DTNA: variants seen among roughly 807,000 people sequenced by gnomAD.
DTNA encodes dystrobrevin alpha.
In DTNA, 43 loss-of-function variants were observed where a neutral mutation model predicts 100.7. The observed-to-expected ratio is 0.43, with a 90% CI of 0.33 to 0.55. The LOEUF is 0.55. Ranked by LOEUF, DTNA falls within the 20% of genes least tolerant of loss-of-function variation. The probability of loss-of-function intolerance (pLI) is 0.04; values close to 1 mark genes in which losing one functional copy is unlikely to be tolerated. For missense variants in DTNA, 798 were observed against 953.9 expected (o/e 0.84, Z 2.15); for synonymous variants, 349 against 347.9 (o/e 1.00, Z -0.04).
chr18:34,718,480 C>T (rs1471538592), intron 1 of DTNA, among the ~76,000 whole-genome samples: 1 of 152,098 alleles, frequency 6.6e-6, no homozygotes, highest in East Asian at 1.9e-4. Flanking sequence ...AGTCTTTACC[C>T]CATTTTGATG....
At chr18:34,704,168 A>C (rs1381229155) in intron 1 of DTNA, among the ~76,000 whole-genome samples, 1 of 152,142 alleles carries the variant, frequency 6.6e-6, no homozygotes, top group African/African-American at 2.4e-5. Flanking sequence ...CCATCCCATT[A>C]TCTATGATGC....
intron 1 of DTNA, among the ~76,000 whole-genome samples, chr18:34,518,738 TG>T (rs2041898951): frequency 6.9e-6 from 1 of 145,958 alleles, no homozygotes; most frequent in Non-Finnish European, 1.5e-5. Context: ...TGTGTGTGTG[TG>T]TGTGTGAAGC....
chr18:34,532,788 A>G (rs1220755025), intron 1 of DTNA, among the ~76,000 whole-genome samples: 2 of 151,202 alleles, frequency 1.3e-5, no homozygotes, highest in African/African-American at 4.9e-5. Flanking sequence ...GTGTGTATGC[A>G]TAGAACGAAT....
chr18:34,622,939 C>CAT (rs1211213197), intron 1 of DTNA, among the ~76,000 whole-genome samples: 1 of 152,194 alleles, frequency 6.6e-6, no homozygotes, highest in Non-Finnish European at 1.5e-5. Flanking sequence ...AATCCTCTCC[C>CAT]ATATATCTGT....
At chr18:34,622,816 C>A (rs1304380690) in intron 1 of DTNA, among the ~76,000 whole-genome samples, 7 of 152,318 alleles carry the variant, frequency 4.6e-5, no homozygotes, top group South Asian at 4.1e-4. Flanking sequence ...TCCCATGTTT[C>A]TGAGGCCCTC....
chr18:34,689,327 G>T (rs1401172163), intron 1 of DTNA, among the ~76,000 whole-genome samples: 1 of 149,982 alleles, frequency 6.7e-6, no homozygotes, highest in African/African-American at 2.5e-5. Context: ...TGGAGTTTTG[G>T]GTGGTCATTT....
chr18:34,695,000 C>T (rs2080309505), intron 1 of DTNA, among the ~76,000 whole-genome samples: 1 of 152,122 alleles, frequency 6.6e-6, no homozygotes, highest in Admixed American at 6.5e-5. Flanking sequence ...AGCATGCCAC[C>T]ACCTGAATCC....
At chr18:34,744,689 T>C (rs2091282204) in intron 1 of DTNA, among the ~76,000 whole-genome samples, 1 of 152,038 alleles carries the variant, frequency 6.6e-6, no homozygotes, top group Admixed American at 6.6e-5. Context: ...ACAGGTCTCT[T>C]TCCTTGGCAA....
At chr18:34,509,585 G>A (rs1233593334) in intron 1 of DTNA, among the ~76,000 whole-genome samples, 2 of 152,104 alleles carry the variant, frequency 1.3e-5, no homozygotes, top group Non-Finnish European at 2.9e-5. Flanking sequence ...CCTTTAGGAA[G>A]TGATATATGA....
At chr18:34,623,876 T>C (rs973460596) in intron 1 of DTNA, among the ~76,000 whole-genome samples, 11 of 152,362 alleles carry the variant, frequency 7.2e-5, no homozygotes, top group Admixed American at 5.9e-4. Context: ...AAGATCCAAA[T>C]GTGTTGAAAA....
At chr18:34,766,312 A>T (rs1301950029) in intron 3 of DTNA, among the ~76,000 whole-genome samples, 1 of 152,136 alleles carries the variant, frequency 6.6e-6, no homozygotes, top group Non-Finnish European at 1.5e-5. Flanking sequence ...TATAATTCTG[A>T]CCTTGGAATG....
At chr18:34,601,891 G>C (rs1005771900) in intron 1 of DTNA, among the ~76,000 whole-genome samples, 1 of 152,182 alleles carries the variant, frequency 6.6e-6, no homozygotes, top group Non-Finnish European at 1.5e-5. Context: ...AATTCCTACA[G>C]AATGCAGAAA....
chr18:34,726,409 G>A (rs187442731), intron 1 of DTNA, among the ~76,000 whole-genome samples: 86 of 152,160 alleles, frequency 5.7e-4, no homozygotes, highest in African/African-American at 1.9e-3. Flanking sequence ...TCACTCAAAA[G>A]TCCAAAGTCT....
chr18:34,625,527 C>T (rs1252329658), intron 1 of DTNA, among the ~76,000 whole-genome samples: 1 of 152,150 alleles, frequency 6.6e-6, no homozygotes, highest in Middle Eastern at 3.2e-3. Flanking sequence ...CCACAAAGGA[C>T]AATAATACAA....
intron 3 of DTNA, among the ~76,000 whole-genome samples, chr18:34,792,534 T>A (rs1025276872): frequency 6.6e-6 from 1 of 152,140 alleles, no homozygotes; most frequent in Non-Finnish European, 1.5e-5. Context: ...GACAAAAAAA[T>A]AGGGAGCTGT....
At chr18:34,778,106 G>A (rs770114759) in intron 3 of DTNA, among the ~76,000 whole-genome samples, 9 of 152,150 alleles carry the variant, frequency 5.9e-5, no homozygotes, top group Admixed American at 2.6e-4. Flanking sequence ...GAAGGATCTC[G>A]CAGCAGATTG....
chr18:34,878,765 T>C (rs760347918), intron 19 of DTNA, among the ~76,000 whole-genome samples: 7 of 152,214 alleles, frequency 4.6e-5, no homozygotes, highest in Non-Finnish European at 8.8e-5. Context: ...TTTAGCAGTA[T>C]GAATATGCAA....
intron 1 of DTNA, among the ~76,000 whole-genome samples, chr18:34,745,562 G>T (rs1906947853): frequency 6.6e-6 from 1 of 152,096 alleles, no homozygotes; most frequent in African/African-American, 2.4e-5. Flanking sequence ...CATGATTATT[G>T]GGTTGTGTAT....
At position 34,666,693 on chromosome 18, in the gene DTNA, T is replaced by G. The variant is rs184852718; in HGVS notation, c.-1-89283T>G. ...TTAAATAGGGAATCCTTTCCCCATT[T>G]CTTGTTTTTGTCAGGTTTGTCAAAG... On this transcript the variant is annotated intron_variant, in intron 1 of 19. Coordinates refer to the DTNA transcript ENST00000283365. 4.6e-3 allele frequency among the ~76,000 whole-genome samples: 704 copies of G among 152,258 alleles called. 6 individuals carry two copies. The highest frequency in any genetic ancestry group is 0.016 in the African/African-American group (653 of 41,562).
Sources: allele counts gnomAD v4.1 joint callset (sites outside exome capture counted in the v4.1 genomes callset), GRCh38; gene constraint gnomAD v4.1.1; transcripts MANE v1.5; gene names NCBI Gene and HGNC (gene_info 2026-07-23, HGNC 2026-07-21).